The following PTPRD variants were observed in gnomAD, a reference collection of about 807,000 sequenced individuals.
The protein encoded by PTPRD is receptor-type tyrosine-protein phosphatase delta.
PTPRD carries 34 observed loss-of-function variants against 214.5 expected under a neutral mutation model. The observed-to-expected ratio is 0.16, with a 90% confidence interval of 0.12 to 0.21. The LOEUF (loss-of-function observed/expected upper bound fraction) is 0.21. PTPRD is among the 10% of genes least tolerant of loss of function. PTPRD has a pLI of 1.00. For synonymous variants in PTPRD, 1,128 were observed against 845.7 expected (o/e 1.33, Z -5.79); for missense variants, 2,545 against 2,398.7 (o/e 1.06, Z -1.27).
At chr9:10,524,296 G>A (rs999395639) in intron 2 of PTPRD, among the ~76,000 whole-genome samples, 1 of 152,006 alleles carries the variant, frequency 6.6e-6, no homozygotes, top group African/African-American at 2.4e-5. Context: ...TTGTTCCGAG[G>A]CAGCGCAAAA....
intron 10 of PTPRD, among the ~76,000 whole-genome samples, chr9:9,092,007 T>G (rs1281889563): frequency 6.6e-6 from 1 of 152,158 alleles, no homozygotes; most frequent in African/African-American, 2.4e-5. Flanking sequence ...TCAGTTTATC[T>G]TTGGGGTTCT....
intron 12 of PTPRD, among the ~76,000 whole-genome samples, chr9:8,704,496 C>G (rs1011397692): frequency 6.6e-6 from 1 of 152,062 alleles, no homozygotes; most frequent in African/African-American, 2.4e-5. Context: ...TAGCTCATTA[C>G]GTAGAGTATC....
At chr9:8,984,456 C>A (rs2099329299) in intron 11 of PTPRD, among the ~76,000 whole-genome samples, 1 of 152,010 alleles carries the variant, frequency 6.6e-6, no homozygotes, top group African/African-American at 2.4e-5. Context: ...TTATTTGAAG[C>A]TTAACACAAA....
intron 10 of PTPRD, among the ~76,000 whole-genome samples, chr9:9,044,024 C>A (rs1255377895): frequency 1.3e-5 from 2 of 151,924 alleles, no homozygotes; most frequent in Non-Finnish European, 2.9e-5. Context: ...AGTCAGCATT[C>A]AATTTAAATA....
At chr9:10,511,587 T>TTTTTTTC (rs56140227) in intron 2 of PTPRD, among the ~76,000 whole-genome samples, 1 of 130,370 alleles carries the variant, frequency 7.7e-6, no homozygotes, top group Non-Finnish European at 1.7e-5. Flanking sequence ...TTTTTTTTTT[T>TTTTTTTC]GTATTTTTAG....
chr9:8,717,252 T>G (rs982071575), intron 12 of PTPRD, among the ~76,000 whole-genome samples: 7 of 152,294 alleles, frequency 4.6e-5, no homozygotes, highest in African/African-American at 1.7e-4. Flanking sequence ...ATTAGGTGTG[T>G]TGGGGGGAGA....
intron 14 of PTPRD, among the ~76,000 whole-genome samples, chr9:8,550,927 G>A (rs561624562): frequency 2.4e-4 from 36 of 152,344 alleles, no homozygotes; most frequent in African/African-American, 7.9e-4. Context: ...CTTCGACAGT[G>A]AGCTTATGCT....
At chr9:9,295,607 G>A (rs1160674592) in intron 9 of PTPRD, among the ~76,000 whole-genome samples, 1 of 151,538 alleles carries the variant, frequency 6.6e-6, no homozygotes, top group East Asian at 1.9e-4. Flanking sequence ...TCTTTTTCTT[G>A]GATCCTTCTG....
intron 11 of PTPRD, among the ~76,000 whole-genome samples, chr9:8,775,422 T>C (rs2095431249): frequency 6.6e-6 from 1 of 152,128 alleles, no homozygotes; most frequent in African/African-American, 2.4e-5. Context: ...TTGAACTCTC[T>C]GCATAATATG....
chr9:9,593,512 G>A (rs998253805), intron 7 of PTPRD, among the ~76,000 whole-genome samples: 3 of 151,916 alleles, frequency 2.0e-5, no homozygotes, highest in African/African-American at 7.2e-5. Flanking sequence ...GGATTTTGAG[G>A]CATGAGAAAA....
At chr9:8,879,154 G>A (rs142921998) in intron 11 of PTPRD, among the ~76,000 whole-genome samples, 16 of 152,264 alleles carry the variant, frequency 1.1e-4, no homozygotes, top group South Asian at 8.3e-4. Context: ...ATCTATAGGC[G>A]TATGTTGTCT....
At chr9:9,923,222 T>C (rs1463953466) in intron 5 of PTPRD, among the ~76,000 whole-genome samples, 2 of 144,780 alleles carry the variant, frequency 1.4e-5, no homozygotes, top group Non-Finnish European at 3.0e-5. Flanking sequence ...TAGTGAGGTG[T>C]TGTATATTTT....
intron 3 of PTPRD, among the ~76,000 whole-genome samples, chr9:10,294,546 C>G (rs150018001): frequency 2.0e-3 from 306 of 151,980 alleles, no homozygotes; most frequent in African/African-American, 6.9e-3. Context: ...TAAAAAATGA[C>G]TGATGTATCC....
intron 3 of PTPRD, among the ~76,000 whole-genome samples, chr9:10,237,013 A>C (rs62539662): frequency 0.025 from 3,870 of 152,010 alleles, 101 homozygotes; most frequent in Non-Finnish European, 0.036. Flanking sequence ...ATGTTAATAC[A>C]TGTCATTATA....
chr9:10,504,840 G>A (rs1374584030), intron 2 of PTPRD, among the ~76,000 whole-genome samples: 1 of 152,134 alleles, frequency 6.6e-6, no homozygotes, highest in Non-Finnish European at 1.5e-5. Flanking sequence ...TCCCTGCCAA[G>A]ATGAAATTAT....
chr9:10,510,310 C>A (rs74996687), intron 2 of PTPRD, among the ~76,000 whole-genome samples: 5 of 152,058 alleles, frequency 3.3e-5, no homozygotes, highest in African/African-American at 9.7e-5. Context: ...TTGATCTTTA[C>A]AATTCACATA....
chr9:10,545,384 G>T (rs911028729), intron 2 of PTPRD, among the ~76,000 whole-genome samples: 2 of 152,084 alleles, frequency 1.3e-5, no homozygotes, highest in African/African-American at 4.8e-5. Flanking sequence ...ATTTCTTTCA[G>T]ATATTTTAGC....
intron 7 of PTPRD, among the ~76,000 whole-genome samples, chr9:9,681,755 A>T (rs2097077430): frequency 6.6e-6 from 1 of 151,788 alleles, no homozygotes; most frequent in Non-Finnish European, 1.5e-5. Context: ...ACTAGCAGTT[A>T]CTTTAATTAA....
At chr9:9,966,643 G>GA (rs1436723081) in intron 4 of PTPRD, among the ~76,000 whole-genome samples, 1 of 152,086 alleles carries the variant, frequency 6.6e-6, no homozygotes, top group Non-Finnish European at 1.5e-5. Context: ...ACTGTTTTAG[G>GA]AAAAAAGTCA....
Sources: allele counts gnomAD v4.1 joint callset (sites outside exome capture counted in the v4.1 genomes callset), GRCh38; gene constraint gnomAD v4.1.1; transcripts MANE v1.5; gene names NCBI Gene and HGNC (gene_info 2026-07-23, HGNC 2026-07-21).